Variants in PEX14 observed in about 807,000 individuals in gnomAD.
PEX14 encodes the protein peroxisomal membrane protein PEX14.
A neutral mutation model predicts 49.5 loss-of-function variants in PEX14; 15 were observed. That is an observed-to-expected ratio of 0.30 (90% CI 0.20 to 0.47). The LOEUF (loss-of-function observed/expected upper bound fraction) is 0.47. Among genes scored for constraint, PEX14 ranks in the 20% least tolerant of loss-of-function variants. The pLI, the probability that PEX14 is intolerant of heterozygous loss-of-function variation, is 1.00. For missense variants in PEX14, 398 were observed against 494.8 expected (o/e 0.80, Z 1.86); for synonymous variants, 210 against 212.7 (o/e 0.99, Z 0.11).
chr1:10,510,066 G>T (rs1014329624), intron 2 of PEX14, among the ~76,000 whole-genome samples: 2 of 152,166 alleles, frequency 1.3e-5, no homozygotes, highest in Non-Finnish European at 2.9e-5. Context: ...GGCACAGGCT[G>T]CCCACCTAGA....
chr1:10,558,732 GTC>G (rs1639564887), intron 3 of PEX14, among the ~76,000 whole-genome samples: 5 of 101,204 alleles, frequency 4.9e-5, no homozygotes, highest in African/African-American at 2.1e-4. Flanking sequence ...ATGAGACCCT[GTC>G]TCAAAAAAAA....
chr1:10,599,205 T>TACTC (rs771825478), intron 3 of PEX14, 33 bp from the exon 4 acceptor site: 2 of 1,612,224 alleles, frequency 1.2e-6, no homozygotes, highest in South Asian at 1.1e-5. Flanking sequence ...TGACAAAAGG[T>TACTC]ACTCACCTGC....
chr1:10,547,697 A>G (rs1557838422), intron 3 of PEX14, among the ~76,000 whole-genome samples: 1 of 152,140 alleles, frequency 6.6e-6, no homozygotes, highest in East Asian at 1.9e-4. Context: ...CCTCTCCCAA[A>G]TTATCTTATT....
intron 3 of PEX14, among the ~76,000 whole-genome samples, chr1:10,579,438 A>T (rs1178186504): frequency 6.6e-6 from 1 of 152,152 alleles, no homozygotes; most frequent in African/African-American, 2.4e-5. Flanking sequence ...AAGAAAGAGA[A>T]ATCTGTTAGG....
intron 7 of PEX14, among the ~76,000 whole-genome samples, chr1:10,626,360 T>C (rs1465018464): frequency 2.6e-5 from 4 of 152,160 alleles, no homozygotes; most frequent in African/African-American, 9.7e-5. Flanking sequence ...GTAGGAACCC[T>C]GAGGGGCTGT....
At chr1:10,483,552 T>C (rs1641318672) in intron 1 of PEX14, among the ~76,000 whole-genome samples, 1 of 149,264 alleles carries the variant, frequency 6.7e-6, no homozygotes, top group African/African-American at 2.6e-5. Flanking sequence ...CCTGACCTCA[T>C]GATCCACCCG....
In PEX14 at chr1:10,496,537, C is replaced by T. The variant is rs538105247; in HGVS notation, c.84+1216C>T. 4.6e-5 allele frequency among the ~76,000 whole-genome samples: 7 copies of T among 152,336 alleles called. No homozygotes were observed. In the South Asian group the frequency reaches 1.5e-3, roughly 32 times the overall value. The stretch of plus-strand genomic sequence containing the variant: ...GCAGATTGAACACCATAGGCCGCTG[C>T]AGTCCTTTCCTTCCTCTCTCTTTTC... On this transcript the variant is annotated intron_variant, in intron 2 of 8. Transcript: ENST00000356607.
chr1:10,476,952 G>A (rs1401436432), intron 1 of PEX14, among the ~76,000 whole-genome samples: 2 of 152,134 alleles, frequency 1.3e-5, no homozygotes, highest in Non-Finnish European at 2.9e-5. Context: ...GTCCTTTAAG[G>A]GGGCATGGCC....
At chr1:10,563,695 C>T (rs981629618) in intron 3 of PEX14, among the ~76,000 whole-genome samples, 6 of 152,184 alleles carry the variant, frequency 3.9e-5, no homozygotes, top group African/African-American at 7.2e-5. Context: ...GAGGCCGAGG[C>T]GGGTGTATCA....
intron 1 of PEX14, among the ~76,000 whole-genome samples, chr1:10,484,782 T>C (rs1340677747): frequency 6.6e-6 from 1 of 151,664 alleles, no homozygotes. Flanking sequence ...CAGTTCCTTA[T>C]GGACCATGAG....
chr1:10,625,039 C>T (rs1641705686), intron 7 of PEX14, among the ~76,000 whole-genome samples: 1 of 152,196 alleles, frequency 6.6e-6, no homozygotes, highest in South Asian at 2.1e-4. Flanking sequence ...GAATCCTGGT[C>T]CTGCCACTTG....
intron 4 of PEX14, among the ~76,000 whole-genome samples, chr1:10,609,525 C>T (rs1165590745): frequency 6.6e-6 from 1 of 152,140 alleles, no homozygotes; most frequent in African/African-American, 2.4e-5. Context: ...GTCCTTTTCC[C>T]CTGCCTCTGG....
At chr1:10,510,640 C>T (rs1641865800) in intron 2 of PEX14, among the ~76,000 whole-genome samples, 1 of 152,152 alleles carries the variant, frequency 6.6e-6, no homozygotes, top group African/African-American at 2.4e-5. Context: ...CTTTGCTAAG[C>T]CCTGTATGGG....
intron 2 of PEX14, among the ~76,000 whole-genome samples, chr1:10,504,372 C>A (rs1641741927): frequency 6.6e-6 from 1 of 152,218 alleles, no homozygotes; most frequent in South Asian, 2.1e-4. Flanking sequence ...CACTCCTTGA[C>A]AGTCAGAGGC....
intron 2 of PEX14, among the ~76,000 whole-genome samples, chr1:10,511,484 G>T (rs558751492): frequency 1.5e-3 from 232 of 152,248 alleles, no homozygotes; most frequent in African/African-American, 5.3e-3. Context: ...GTAGGGTTTA[G>T]AAATGGAAAT....
At chr1:10,584,821 A>G (rs2124576625) in intron 3 of PEX14, among the ~76,000 whole-genome samples, 1 of 152,366 alleles carries the variant, frequency 6.6e-6, no homozygotes, top group Admixed American at 6.5e-5. Flanking sequence ...AAATGATCTT[A>G]CATGGAAACA....
At chr1:10,581,252 G>C (rs1011353222) in intron 3 of PEX14, among the ~76,000 whole-genome samples, 3 of 148,956 alleles carry the variant, frequency 2.0e-5, no homozygotes, top group African/African-American at 7.5e-5. Flanking sequence ...AATGAAACCT[G>C]TTTCCATTCT....
intron 4 of PEX14, 33 bp from the exon 5 acceptor site, chr1:10,618,299 G>C (rs529794233): frequency 1.2e-5 from 19 of 1,580,960 alleles, no homozygotes; most frequent in Non-Finnish European, 1.7e-5. Flanking sequence ...CGCCATGTGC[G>C]TCTTCTAACC....
rs1214927711 is a variant in PEX14, at chr1:10,586,843, AT to A, written c.170-12394del. Among the ~76,000 whole-genome samples, 3 of 151,784 alleles carry A rather than the reference AT, an allele frequency of 2.0e-5. No individual in the cohort carries two copies. The South Asian group carries it at 6.3e-4, about 32-fold the overall frequency. On this transcript the variant is annotated intron_variant, in intron 3 of 8. Coordinates refer to ENST00000356607, the MANE Select transcript of PEX14 (RefSeq NM_004565.3). ...TTTTTAGTAGAGACGGGGTTTCACCATGTTAGCCAGGATGGTCTCAATCTTC... is the reference window on the plus strand; with the variant it reads ...TTTTTAGTAGAGACGGGGTTTCACCAGTTAGCCAGGATGGTCTCAATCTTC...
Sources: allele counts gnomAD v4.1 joint callset (sites outside exome capture counted in the v4.1 genomes callset), GRCh38; gene constraint gnomAD v4.1.1; transcripts MANE v1.5; gene names NCBI Gene and HGNC (gene_info 2026-07-23, HGNC 2026-07-21).